PLCXD3: variants seen among roughly 807,000 people sequenced by gnomAD.
PLCXD3 encodes PI-PLC X domain-containing protein 3.
Under a neutral mutation model 25.5 loss-of-function variants are expected in PLCXD3, and 19 were observed. The observed-to-expected ratio is 0.75, with a 90% CI of 0.52 to 1.09. The LOEUF (loss-of-function observed/expected upper bound fraction) is 1.09. PLCXD3 is among the 50% of genes least tolerant of loss of function. The pLI is 0.00. For synonymous variants in PLCXD3, 174 were observed against 137.6 expected, an observed-to-expected ratio of 1.26 and a Z score of -1.85; for missense variants, 411 against 388.1, an observed-to-expected ratio of 1.06 and a Z score of -0.50.
At chr5:41,497,931 A>G (rs572800532) in intron 1 of PLCXD3, among the ~76,000 whole-genome samples, 5 of 151,928 alleles carry the variant, frequency 3.3e-5, no homozygotes, top group African/African-American at 1.2e-4. Context: ...TAAACAATGC[A>G]TCCTTTAACA....
intron 2 of PLCXD3, among the ~76,000 whole-genome samples, chr5:41,354,882 G>C (rs1744574328): frequency 6.6e-6 from 1 of 152,074 alleles, no homozygotes; most frequent in Non-Finnish European, 1.5e-5. Flanking sequence ...TGAAATCCAA[G>C]GAAGGCCCCT....
chr5:41,483,600 G>T (rs1043028933), intron 1 of PLCXD3, among the ~76,000 whole-genome samples: 1 of 151,964 alleles, frequency 6.6e-6, no homozygotes, highest in Admixed American at 6.6e-5. Context: ...TTTCAGTTTT[G>T]CAAGATGAAA....
chr5:41,494,180 C>T (rs780463462), intron 1 of PLCXD3, among the ~76,000 whole-genome samples: 34 of 152,172 alleles, frequency 2.2e-4, no homozygotes, highest in Non-Finnish European at 2.9e-5. Flanking sequence ...CTCACTGGAG[C>T]CTTGAACTGG....
At chr5:41,455,892 C>A (rs1385473611) in intron 1 of PLCXD3, among the ~76,000 whole-genome samples, 1 of 151,842 alleles carries the variant, frequency 6.6e-6, no homozygotes, top group Non-Finnish European at 1.5e-5. Context: ...CTTGAGAGAA[C>A]AAGAAACACA....
At chr5:41,446,197 A>AAAAAAAAAAAAAAAAAC (rs1747497680) in intron 1 of PLCXD3, among the ~76,000 whole-genome samples, 1 of 149,394 alleles carries the variant, frequency 6.7e-6, no homozygotes. Context: ...AAAAAAAAAA[A>AAAAAAAAAAAAAAAAAC]AAAAGAACAA....
intron 2 of PLCXD3, among the ~76,000 whole-genome samples, chr5:41,349,726 A>G (rs1744398047): frequency 6.6e-6 from 1 of 152,226 alleles, no homozygotes; most frequent in Non-Finnish European, 1.5e-5. Flanking sequence ...TTAAAGACTC[A>G]CAAATGCACT....
chr5:41,349,781 T>A (rs1438715661), intron 2 of PLCXD3, among the ~76,000 whole-genome samples: 1 of 152,118 alleles, frequency 6.6e-6, no homozygotes, highest in South Asian at 2.1e-4. Context: ...GCATCACAGG[T>A]CTTTAAATTA....
intron 2 of PLCXD3, among the ~76,000 whole-genome samples, chr5:41,324,237 G>A (rs1469941952): frequency 6.6e-6 from 1 of 152,158 alleles, no homozygotes; most frequent in African/African-American, 2.4e-5. Context: ...TGCTCCTTTT[G>A]GAAACTAAGA....
chr5:41,488,602 C>A (rs1748576083), intron 1 of PLCXD3, among the ~76,000 whole-genome samples: 2 of 145,134 alleles, frequency 1.4e-5, no homozygotes, highest in South Asian at 2.3e-4. Flanking sequence ...TGTTTCCTGA[C>A]TTTTTAATGA....
intron 1 of PLCXD3, among the ~76,000 whole-genome samples, chr5:41,455,512 G>A (rs1747732894): frequency 6.6e-6 from 1 of 151,832 alleles, no homozygotes; most frequent in Non-Finnish European, 1.5e-5. Context: ...TAAGCCTTAA[G>A]CTCACAGGCA....
chr5:41,397,515 A>C (rs1170667328), intron 1 of PLCXD3, among the ~76,000 whole-genome samples: 3 of 152,176 alleles, frequency 2.0e-5, no homozygotes, highest in African/African-American at 7.2e-5. Flanking sequence ...GAGCTCTCCT[A>C]GTACAGGATA....
chr5:41,500,978 G>A (rs1175654391), intron 1 of PLCXD3, among the ~76,000 whole-genome samples: 1 of 151,892 alleles, frequency 6.6e-6, no homozygotes, highest in East Asian at 1.9e-4. Flanking sequence ...CTAATCACCA[G>A]GGAAATGAAA....
At chr5:41,345,743 C>A (rs2150479241) in intron 2 of PLCXD3, among the ~76,000 whole-genome samples, 1 of 151,982 alleles carries the variant, frequency 6.6e-6, no homozygotes, top group Non-Finnish European at 1.5e-5. Context: ...AAGCCTCTAA[C>A]TTTACAGATC....
chr5:41,373,681 T>C (rs1417593517), intron 2 of PLCXD3, among the ~76,000 whole-genome samples: 2 of 151,606 alleles, frequency 1.3e-5, no homozygotes, highest in Admixed American at 6.6e-5. Flanking sequence ...CTCCCCCTTT[T>C]CCTCTTCTTC....
At chr5:41,415,736 T>C (rs2150504668) in intron 1 of PLCXD3, among the ~76,000 whole-genome samples, 1 of 152,308 alleles carries the variant, frequency 6.6e-6, no homozygotes, top group Non-Finnish European at 1.5e-5. Flanking sequence ...GGAAGGGATA[T>C]TATTATCTGC....
chr5:41,403,410 T>TTTTTTTTTTTTG, intron 1 of PLCXD3, among the ~76,000 whole-genome samples: 1 of 41,924 alleles, frequency 2.4e-5, no homozygotes, highest in East Asian at 2.9e-4. Context: ...TGTTTTTTTT[T>TTTTTTTTTTTTG]TTTTTTATTA....
chr5:41,370,583 G>C (rs1253566046), intron 2 of PLCXD3, among the ~76,000 whole-genome samples: 1 of 152,126 alleles, frequency 6.6e-6, no homozygotes, highest in East Asian at 1.9e-4. Flanking sequence ...TTTTGGGGGA[G>C]AGGATTTGGC....
At chr5:41,491,790 G>T (rs199853547) in intron 1 of PLCXD3, among the ~76,000 whole-genome samples, 13,354 of 152,024 alleles carry the variant, frequency 0.088, 741 homozygotes, top group South Asian at 0.17. Flanking sequence ...TTGCTTGGTA[G>T]ATCTTCCTTC....
intron 1 of PLCXD3, among the ~76,000 whole-genome samples, chr5:41,504,711 A>G (rs662066): frequency 0.11 from 16,951 of 152,230 alleles, 1,356 homozygotes; most frequent in African/African-American, 0.23. Flanking sequence ...AAAGGAGCAA[A>G]GGTGACAACT....
Sources: gnomAD v4.1 joint callset for allele counts (sites outside exome capture counted in the v4.1 genomes callset) on GRCh38, gnomAD v4.1.1 for gene constraint, MANE v1.5 for transcripts, NCBI Gene and HGNC (gene_info 2026-07-23, HGNC 2026-07-21) for gene names.